The following MRPL44 variants were observed in gnomAD, a reference collection of about 807,000 sequenced individuals.
The protein encoded by MRPL44 is large ribosomal subunit protein mL44.
In MRPL44, 21 loss-of-function variants were observed where a neutral mutation model predicts 25.9. The ratio of observed to expected loss-of-function variants is 0.81; its 90% CI spans 0.58 to 1.17. MRPL44 has a LOEUF of 1.17. Among genes scored for constraint, MRPL44 ranks in the 50% most tolerant of loss-of-function variants. MRPL44 has a pLI of 0.00. For missense variants in MRPL44, 410 were observed against 398.9 expected (o/e 1.03, Z -0.24); for synonymous variants, 169 against 151.0 (o/e 1.12, Z -0.87).
At chr2:223,966,452 G>A (rs1689742511) in intron 3 of MRPL44, among the ~76,000 whole-genome samples, 1 of 151,918 alleles carries the variant, frequency 6.6e-6, no homozygotes, top group Non-Finnish European at 1.5e-5. Context: ...TCAGGTTTTT[G>A]TAAGGAGATA....
intron 2 of MRPL44, among the ~76,000 whole-genome samples, chr2:223,960,684 G>C (rs1689645774): frequency 6.6e-6 from 1 of 152,144 alleles, no homozygotes; most frequent in African/African-American, 2.4e-5. Context: ...TTGATACCAA[G>C]TTTGATAATT....
the MRPL44 span, among the ~76,000 whole-genome samples, chr2:223,951,481 T>TTTTTTTGTTTTGTTTTTG: frequency 2.3e-4 from 31 of 133,890 alleles, 1 homozygote; most frequent in African/African-American, 8.6e-4. Flanking sequence ...CCTTGGAGTT[T>TTTTTTTGTTTTGTTTTTG]TTTTTTTTTT....
At chr2:223,957,264 A>C, upstream of MRPL44, 1 of 619,270 alleles carries the variant, frequency 1.6e-6, no homozygotes, top group South Asian at 1.9e-5. Context: ...GAGAGGAGAG[A>C]ACTAGCGCAA....
chr2:223,955,267 A>G (rs1378597715), upstream of MRPL44, among the ~76,000 whole-genome samples: 1 of 152,232 alleles, frequency 6.6e-6, no homozygotes, highest in African/African-American at 2.4e-5. Flanking sequence ...GACTGATTCT[A>G]TATCGATATT....
intron 3 of MRPL44, among the ~76,000 whole-genome samples, chr2:223,964,169 T>C (rs1476252347): frequency 6.6e-6 from 1 of 152,260 alleles, no homozygotes; most frequent in African/African-American, 2.4e-5. Context: ...TGAGTTTTGC[T>C]AATAGCTTTT....
At chr2:223,954,228 T>C (rs780956539), upstream of MRPL44, among the ~76,000 whole-genome samples, 2 of 152,234 alleles carry the variant, frequency 1.3e-5, no homozygotes, top group African/African-American at 2.4e-5. Context: ...CTCTTCTGCA[T>C]CTAGCAAAAT....
chr2:223,950,952 C>T, the MRPL44 span, among the ~76,000 whole-genome samples: 2 of 152,106 alleles, frequency 1.3e-5, no homozygotes, highest in Non-Finnish European at 2.9e-5. Context: ...CGAAGAGGTA[C>T]AAGGACAGAA....
At chr2:223,960,388 G>T (rs1362152000) in intron 2 of MRPL44, among the ~76,000 whole-genome samples, 1 of 152,232 alleles carries the variant, frequency 6.6e-6, no homozygotes, top group African/African-American at 2.4e-5. Flanking sequence ...GTGATGAAAT[G>T]TTGGATTTCA....
upstream of MRPL44, among the ~76,000 whole-genome samples, chr2:223,956,842 GAAGA>G (rs777936743): frequency 2.6e-5 from 4 of 152,224 alleles, no homozygotes; most frequent in Admixed American, 6.5e-5. Flanking sequence ...CATAAAGAAG[GAAGA>G]AACTGTAATT....
intron 3 of MRPL44, among the ~76,000 whole-genome samples, chr2:223,966,296 T>C (rs1689740289): frequency 6.6e-6 from 1 of 151,696 alleles, no homozygotes; most frequent in African/African-American, 2.4e-5. Flanking sequence ...ATTTGAAATA[T>C]AGAGCTGGTT....
At position 223,963,747 on chromosome 2, in the gene MRPL44, T is replaced by G; in HGVS notation, c.649-9T>G. ...AATTAAAATGTATAAATTATATTTT[T>G]ATATGCAGGACTTCTTAATTACTCA... On this transcript the variant is annotated splice_polypyrimidine_tract_variant and intron_variant, in intron 2 of 3. Coordinates refer to ENST00000258383, the MANE Select transcript of MRPL44 (RefSeq NM_022915.5). 6.6e-7 allele frequency: 1 copy of G among 1,521,786 alleles called. No individual in the cohort carries two copies. The highest frequency in any genetic ancestry group is 8.8e-7 in the Non-Finnish European group (1 of 1,132,378). 94.3% of individuals were successfully genotyped at this position (1,521,786 alleles called of 1,614,324 possible). A position where few individuals can be genotyped will look rare whatever the true frequency, so the allele number is the denominator to read the frequency against.
chr2:223,954,270 G>A (rs1689532665), upstream of MRPL44, among the ~76,000 whole-genome samples: 1 of 152,138 alleles, frequency 6.6e-6, no homozygotes, highest in African/African-American at 2.4e-5. Flanking sequence ...GCACTCTGAG[G>A]CCATCCCCTA....
upstream of MRPL44, among the ~76,000 whole-genome samples, chr2:223,953,766 A>G (rs1365296602): frequency 6.6e-6 from 1 of 152,238 alleles, no homozygotes; most frequent in African/African-American, 2.4e-5. Context: ...CCAGTTTTAC[A>G]CTGCAGGCCA....
At chr2:223,966,748 C>A in intron 3 of MRPL44, 115 bp from the exon 4 acceptor site, 1 of 884,604 alleles carries the variant, frequency 1.1e-6, no homozygotes, top group Non-Finnish European at 1.7e-6. Flanking sequence ...TATTGTGTTA[C>A]TTCTAATGGG....
Position 223,967,154 on chromosome 2 carries a change from G to A in MRPL44, c.*120G>A. ...AGATGTTTTGTTTCTGTTTTTTACT[G>A]TGTTCCCAAAATTAAATAAGTGTTA... is the stretch of plus-strand genomic sequence containing the variant. On this transcript the variant is annotated 3_prime_UTR_variant, in exon 4 of 4. Transcript: ENST00000258383. 1.0e-6 allele frequency: 1 copy of A among 1,002,518 alleles called. No homozygotes were observed. Among genetic ancestry groups the A allele is most frequent in the Non-Finnish European group, 1.4e-6 (1 of 710,964 alleles). The allele number at this position is 1,002,518 out of a possible 1,614,324, so 62.1% of individuals were successfully genotyped here.
At chr2:223,951,610 C>T in the MRPL44 span, among the ~76,000 whole-genome samples, 1 of 151,796 alleles carries the variant, frequency 6.6e-6, no homozygotes, top group East Asian at 1.9e-4. Flanking sequence ...TCCAGAAAAG[C>T]TGGGATTACA....
At chr2:223,962,438 C>CTCCATCCA (rs111442003) in intron 2 of MRPL44, among the ~76,000 whole-genome samples, 17 of 151,890 alleles carry the variant, frequency 1.1e-4, no homozygotes, top group African/African-American at 2.9e-4. Context: ...TTCCCTCTGC[C>CTCCATCCA]TCCATCCATC....
In MRPL44 at chr2:223,957,554, G is replaced by C. The variant is rs752226588; in HGVS notation, c.82G>C (p.Val28Leu). 1 of 1,614,010 alleles carries C rather than the reference G, an allele frequency of 6.2e-7. No individual in the cohort carries two copies. The highest frequency in any genetic ancestry group is 1.1e-5 in the South Asian group (1 of 91,092). Residue 28 changes from valine (V) to leucine (L), a missense_variant, in exon 1 of 4, where the codon GTT becomes CTT. Transcript: ENST00000258383. The part of the protein sequence containing the change: ...APVAPKLVPP[V>L]RGVKKGFRAA... ...AGTCGCCCCCAAGCTGGTCCCTCCG[G>C]TTCGGGGAGTGAAGAAGGGATTCCG...
intron 1 of MRPL44, among the ~76,000 whole-genome samples, chr2:223,958,313 A>C (rs1438146823): frequency 6.6e-6 from 1 of 152,214 alleles, no homozygotes; most frequent in Non-Finnish European, 1.5e-5. Flanking sequence ...TATTATTGCC[A>C]TTAAAACCTA....
Sources: gnomAD v4.1 joint callset for allele counts (sites outside exome capture counted in the v4.1 genomes callset) on GRCh38, gnomAD v4.1.1 for gene constraint, MANE v1.5 for transcripts, NCBI Gene and HGNC (gene_info 2026-07-23, HGNC 2026-07-21) for gene names.